The following PITPNM2 variants were observed in gnomAD, a reference collection of about 807,000 sequenced individuals.
PITPNM2 encodes the protein membrane-associated phosphatidylinositol transfer protein 2.
Under a neutral mutation model 132.2 loss-of-function variants are expected in PITPNM2, and 35 were observed. The observed-to-expected ratio is 0.26, with a 90% CI of 0.20 to 0.35. The LOEUF (loss-of-function observed/expected upper bound fraction) is 0.35, where lower values mean the gene tolerates loss of function less well. Among genes scored for constraint, PITPNM2 ranks in the 10% least tolerant of loss-of-function variants. The probability of loss-of-function intolerance (pLI) is 1.00; values close to 1 mark genes in which losing one functional copy is unlikely to be tolerated. For synonymous variants in PITPNM2, 738 were observed against 799.2 expected (o/e 0.92, Z 1.29); for missense variants, 1,332 against 1,912.0 (o/e 0.70, Z 5.66).
chr12:123,046,984 C>T (rs57641050), intron 2 of PITPNM2, among the ~76,000 whole-genome samples: 6,328 of 152,188 alleles, frequency 0.042, 440 homozygotes, highest in African/African-American at 0.14. Flanking sequence ...TACATATGCA[C>T]CCCTAGCATT....
At chr12:123,137,516 A>G (rs1302120617) in intron 1 of PITPNM2, among the ~76,000 whole-genome samples, 2 of 152,146 alleles carry the variant, frequency 1.3e-5, no homozygotes, top group Admixed American at 6.5e-5. Flanking sequence ...CCACCCTCCC[A>G]GCCAGTCTCT....
chr12:123,129,423 AGCTGG>A (rs1566304651), intron 1 of PITPNM2, among the ~76,000 whole-genome samples: 1 of 151,342 alleles, frequency 6.6e-6, no homozygotes, highest in African/African-American at 2.4e-5. Flanking sequence ...AAAAAAAATT[AGCTGG>A]GCATGGTGGC....
chr12:123,049,905 AC>A (rs1350529321), intron 2 of PITPNM2, among the ~76,000 whole-genome samples: 1 of 152,258 alleles, frequency 6.6e-6, no homozygotes, highest in Non-Finnish European at 1.5e-5. Flanking sequence ...GCAAATGTTC[AC>A]AAAAAAACCC....
intron 2 of PITPNM2, among the ~76,000 whole-genome samples, chr12:123,059,588 C>T (rs776892259): frequency 6.6e-6 from 1 of 152,246 alleles, no homozygotes; most frequent in African/African-American, 2.4e-5. Flanking sequence ...GAGCTTCTCT[C>T]TTGGACAGTG....
intron 3 of PITPNM2, among the ~76,000 whole-genome samples, chr12:123,030,278 G>C (rs937376775): frequency 1.3e-5 from 2 of 152,212 alleles, no homozygotes; most frequent in Non-Finnish European, 1.5e-5. Context: ...ATTCCCAGTA[G>C]GAATGTAAAA....
At chr12:123,003,854 G>A (rs1299592275) in intron 8 of PITPNM2, among the ~76,000 whole-genome samples, 1 of 152,234 alleles carries the variant, frequency 6.6e-6, no homozygotes, top group African/African-American at 2.4e-5. Context: ...GGCGAGCGCT[G>A]TATGCATGCC....
intron 17 of PITPNM2, 77 bp from the exon 18 acceptor site, chr12:122,990,025 A>G (rs1026854739): frequency 8.7e-7 from 1 of 1,152,682 alleles, no homozygotes; most frequent in Non-Finnish European, 1.1e-6. Context: ...GCCAGGCAGG[A>G]CACTGGGACA....
At chr12:123,137,832 G>A (rs890977402) in intron 1 of PITPNM2, among the ~76,000 whole-genome samples, 2 of 150,686 alleles carry the variant, frequency 1.3e-5, no homozygotes, top group South Asian at 2.1e-4. Context: ...GATGGAGGCT[G>A]CAGTGAGCCA....
rs187667003 is a variant in PITPNM2 at position 123,031,566 on chromosome 12, A to G, written c.78+2947T>C. ...CGGAGACAGCACACACCAAGAACAC[A>G]GAGGACACAGGTGCAGGGCACTAGC... On this transcript the variant is annotated intron_variant, in intron 3 of 25. Coordinates refer to ENST00000320201, the MANE Select transcript of PITPNM2 (RefSeq NM_020845.3). The surrounding 1 kb of genome is among the most constrained non-coding windows in gnomAD (Gnocchi z 4.5). Among the ~76,000 whole-genome samples, 11 of 152,282 alleles carry G rather than the reference A, an allele frequency of 7.2e-5. No individual in the cohort carries two copies. In the East Asian group the frequency reaches 1.2e-3, roughly 16 times the overall value.
Position 123,005,664 on chromosome 12 carries a change from G to T in PITPNM2, c.644-116C>A, listed in dbSNP as rs947042896. The T allele has an allele frequency of 6.9e-5, 71 of 1,036,172 alleles. No individual in the cohort carries two copies. The highest frequency in any genetic ancestry group is 9.1e-5 in the Non-Finnish European group (65 of 711,612). 64.2% of individuals were successfully genotyped at this position (1,036,172 alleles called of 1,614,324 possible). A position where few individuals can be genotyped will look rare whatever the true frequency, so the allele number is the denominator to read the frequency against. Reference sequence around the variant, plus strand: ...TTGGGAGGCTGTACCCATGTTGCAGGTCAAACTAAAGTCACTGCCTGTCTG... The same window carrying T: ...TTGGGAGGCTGTACCCATGTTGCAGTTCAAACTAAAGTCACTGCCTGTCTG... On this transcript the variant is annotated intron_variant, in intron 6 of 25. Transcript: ENST00000320201. The surrounding 1 kb of genome is among the most constrained non-coding windows in gnomAD (Gnocchi z 6.2).
At chr12:123,119,350 T>C (rs2042989572) in intron 1 of PITPNM2, among the ~76,000 whole-genome samples, 1 of 145,108 alleles carries the variant, frequency 6.9e-6, no homozygotes, top group Non-Finnish European at 1.5e-5. Context: ...GCATAGAGGA[T>C]GGTGATTTTT....
intron 8 of PITPNM2, 73 bp from the exon 9 acceptor site, chr12:123,001,231 C>A: frequency 8.6e-7 from 1 of 1,163,610 alleles, no homozygotes; most frequent in Non-Finnish European, 1.3e-6. Context: ...GGTGGGGACG[C>A]CCCTGTGTAC....
Position 123,005,228 on chromosome 12 carries a change from G to A in PITPNM2, c.952+12C>T, listed in dbSNP as rs374584188. 3.8e-5 allele frequency: 61 copies of A among 1,605,386 alleles called. No individual in the cohort carries two copies. Among genetic ancestry groups the A allele is most frequent in the East Asian group, 1.3e-4 (6 of 44,714 alleles). ...ACCTTGAGTGTGGGTGGCAGGTGGC[G>A]CAGGGCCTTACCTCCCCGCTTGGAC... is the stretch of plus-strand genomic sequence containing the variant. On this transcript the variant is annotated intron_variant, in intron 7 of 25. Coordinates refer to ENST00000320201, the MANE Select transcript of PITPNM2 (RefSeq NM_020845.3). This position sits in a 1 kb window ranked among gnomAD's most constrained non-coding sequence, Gnocchi z 6.2.
rs1039909302 is a variant in PITPNM2, at chr12:123,110,436, G to A, written c.-147C>T. On this transcript the variant is annotated 5_prime_UTR_variant, in exon 2 of 26. Transcript: ENST00000320201. ...TGTCCCTGTCAAAGGAGGAGAAATG[G>A]GTCCCTAGGCTCACAGAAGGTTGTT... 7 of 152,260 alleles carry A rather than the reference G, an allele frequency of 4.6e-5. No homozygotes were observed. Among genetic ancestry groups the A allele is most frequent in the African/African-American group, 1.7e-4 (7 of 41,430 alleles). 9.4% of individuals were successfully genotyped at this position (152,260 alleles called of 1,614,324 possible).
chr12:123,084,138 T>A (rs1397484115), intron 2 of PITPNM2: 1 of 152,404 alleles, frequency 6.6e-6, no homozygotes. Context: ...CAGCCAGAGA[T>A]GCTGGACGAT....
At chr12:123,063,294 G>A (rs563889725) in intron 2 of PITPNM2, among the ~76,000 whole-genome samples, 1 of 152,248 alleles carries the variant, frequency 6.6e-6, no homozygotes, top group Non-Finnish European at 1.5e-5. Flanking sequence ...CACTGCCACT[G>A]CCCAGCCGGT....
chr12:123,115,571 A>G (rs1470047534), intron 1 of PITPNM2, among the ~76,000 whole-genome samples: 1 of 152,092 alleles, frequency 6.6e-6, no homozygotes, highest in Admixed American at 6.6e-5. Flanking sequence ...ACACATGCAC[A>G]CACACACACA....
intron 8 of PITPNM2, among the ~76,000 whole-genome samples, chr12:123,001,460 G>T (rs2038673725): frequency 6.6e-6 from 1 of 152,194 alleles, no homozygotes; most frequent in African/African-American, 2.4e-5. Flanking sequence ...GGGAGCAGTG[G>T]GTCCTCAGTC....
chr12:123,073,736 G>A (rs78044997), intron 2 of PITPNM2, among the ~76,000 whole-genome samples: 1,680 of 152,316 alleles, frequency 0.011, 37 homozygotes, highest in South Asian at 0.06. Flanking sequence ...AGAGTGACCC[G>A]GATTTTCCAC....
Sources: allele counts gnomAD v4.1 joint callset (sites outside exome capture counted in the v4.1 genomes callset), GRCh38; gene constraint gnomAD v4.1.1; non-coding constraint Gnocchi (gnomAD v3.1); transcripts MANE v1.5; gene names NCBI Gene and HGNC (gene_info 2026-07-23, HGNC 2026-07-21).